Variants in SPMIP2 observed in about 807,000 individuals in gnomAD.
The protein encoded by SPMIP2 is sperm microtubule inner protein 2, also known as protein SPMIP2.
the SPMIP2 span, among the ~76,000 whole-genome samples, chr4:159,038,067 G>C: frequency 6.6e-6 from 1 of 151,894 alleles, no homozygotes; most frequent in African/African-American, 2.4e-5. Flanking sequence ...CATTTGGGCT[G>C]TTTCCAATTT....
the SPMIP2 span, among the ~76,000 whole-genome samples, chr4:158,968,727 T>C: frequency 7.9e-5 from 12 of 152,220 alleles, no homozygotes; most frequent in Admixed American, 3.9e-4. Flanking sequence ...TTAATAACAA[T>C]CAATTGTAGC....
chr4:158,904,356 T>C, the SPMIP2 span: 19 of 925,668 alleles, frequency 2.1e-5, 1 homozygote, highest in South Asian at 2.4e-4. Context: ...TAAATGATAA[T>C]CTATCAAACT....
the SPMIP2 span, among the ~76,000 whole-genome samples, chr4:158,929,066 C>T: frequency 2.6e-5 from 4 of 152,294 alleles, no homozygotes; most frequent in African/African-American, 7.2e-5. Context: ...CCACCAATTC[C>T]GGACACAGTA....
At chr4:158,982,586 A>G in the SPMIP2 span, among the ~76,000 whole-genome samples, 1 of 152,234 alleles carries the variant, frequency 6.6e-6, no homozygotes, top group Admixed American at 6.5e-5. Flanking sequence ...AAACCGCACA[A>G]CTACCTGGAA....
the SPMIP2 span, among the ~76,000 whole-genome samples, chr4:158,981,716 T>C: frequency 7.0e-6 from 1 of 141,968 alleles, no homozygotes; most frequent in African/African-American, 2.7e-5. Context: ...GCACTAAACA[T>C]GGAGGGGAAC....
chr4:158,922,818 A>G, the SPMIP2 span, among the ~76,000 whole-genome samples: 1 of 152,314 alleles, frequency 6.6e-6, no homozygotes, highest in Admixed American at 6.5e-5. Flanking sequence ...AATATTTTAT[A>G]TAAATGGAAT....
At chr4:158,995,997 T>G in the SPMIP2 span, among the ~76,000 whole-genome samples, 7 of 152,208 alleles carry the variant, frequency 4.6e-5, no homozygotes, top group African/African-American at 1.7e-4. Context: ...CTATGTGTCT[T>G]GTCTCTTTGC....
At chr4:158,981,042 A>G in the SPMIP2 span, among the ~76,000 whole-genome samples, 3 of 152,240 alleles carry the variant, frequency 2.0e-5, no homozygotes, top group African/African-American at 7.2e-5. Context: ...ACATAGCATG[A>G]GAACTCTGTG....
chr4:158,925,384 T>C, the SPMIP2 span, among the ~76,000 whole-genome samples: 2 of 152,262 alleles, frequency 1.3e-5, no homozygotes, highest in African/African-American at 4.8e-5. Flanking sequence ...GTGATGTCCT[T>C]ATTTTATTCC....
the SPMIP2 span, among the ~76,000 whole-genome samples, chr4:158,985,159 A>AG: frequency 6.9e-6 from 1 of 144,202 alleles, no homozygotes; most frequent in African/African-American, 2.6e-5. Context: ...CCAACCAAAA[A>AG]GAGTCCAGGA....
the SPMIP2 span, among the ~76,000 whole-genome samples, chr4:158,920,621 G>A: frequency 6.6e-6 from 1 of 152,128 alleles, no homozygotes; most frequent in South Asian, 2.1e-4. Context: ...CTCCGCCCTG[G>A]TAAATTTGTG....
the SPMIP2 span, among the ~76,000 whole-genome samples, chr4:158,988,686 C>T: frequency 6.6e-6 from 1 of 152,140 alleles, no homozygotes. Context: ...CAAAATTCAA[C>T]AGCCCTTTAT....
At chr4:159,006,851 T>C in the SPMIP2 span, among the ~76,000 whole-genome samples, 1 of 152,134 alleles carries the variant, frequency 6.6e-6, no homozygotes, top group Non-Finnish European at 1.5e-5. Context: ...GTGGCAAGCA[T>C]TGATAATGTT....
chr4:158,928,000 C>G, the SPMIP2 span, among the ~76,000 whole-genome samples: 1 of 152,320 alleles, frequency 6.6e-6, no homozygotes, highest in South Asian at 2.1e-4. Flanking sequence ...TCTGTGGGCT[C>G]CTGTGCAGCC....
the SPMIP2 span, chr4:158,904,524 G>C: frequency 1.9e-6 from 3 of 1,613,068 alleles, no homozygotes; most frequent in Admixed American, 5.0e-5. Context: ...TTCTCCTTAT[G>C]TGGCTCAAAT....
the SPMIP2 span, among the ~76,000 whole-genome samples, chr4:158,947,051 G>C: frequency 6.6e-6 from 1 of 152,176 alleles, no homozygotes; most frequent in Non-Finnish European, 1.5e-5. Flanking sequence ...AAGGAGAGCT[G>C]AGGGAGGGAG....
the SPMIP2 span, among the ~76,000 whole-genome samples, chr4:159,067,551 A>G: frequency 1.3e-5 from 2 of 152,218 alleles, no homozygotes; most frequent in African/African-American, 2.4e-5. Flanking sequence ...ACTTCTATAA[A>G]TGACAAACAA....
chr4:158,943,858 C>CTTTTTTTTTTTTTTTTTT, the SPMIP2 span, among the ~76,000 whole-genome samples: 3 of 101,912 alleles, frequency 2.9e-5, no homozygotes, highest in Admixed American at 1.3e-4. Flanking sequence ...TTGACATTTT[C>CTTTTTTTTTTTTTTTTTT]TTTTTTTTTT....
At chr4:159,064,545 C>T in the SPMIP2 span, 1 of 141,778 alleles carries the variant, frequency 7.1e-6, no homozygotes, top group Non-Finnish European at 1.6e-5. Context: ...TCGTATTTTT[C>T]CTCTTACTCA....
Sources: allele counts gnomAD v4.1 joint callset (sites outside exome capture counted in the v4.1 genomes callset), GRCh38; gene constraint gnomAD v4.1.1; transcripts MANE v1.5; gene names NCBI Gene and HGNC (gene_info 2026-07-23, HGNC 2026-07-21).